The following DNASE1 variants were observed in gnomAD, a reference collection of about 807,000 sequenced individuals.
The protein encoded by DNASE1 is deoxyribonuclease-1.
Under a neutral mutation model 33.9 loss-of-function variants are expected in DNASE1, and 40 were observed. The ratio of observed to expected loss-of-function variants is 1.18; its 90% CI spans 0.92 to 1.54. DNASE1 has a LOEUF of 1.54. DNASE1 is among the 40% of genes most tolerant of loss of function. The pLI is 0.00. For missense variants in DNASE1, 518 were observed against 372.6 expected (o/e 1.39, Z -3.21); for synonymous variants, 216 against 160.0 (o/e 1.35, Z -2.64).
In DNASE1 at chr16:3,657,048, A is replaced by G. The variant is rs1305463507; in HGVS notation, c.486A>G (p.Ala162=). Residue 162 remains alanine (A), a synonymous_variant, in exon 6 of 9, where the codon GCA becomes GCG. Coordinates refer to ENST00000246949, the MANE Select transcript of DNASE1 (RefSeq NM_005223.4). ...CCCTGCATGCGGCCCCGGGGGACGCAGTAGCCGAGATCGACGCTCTCTATG... is the reference window on the plus strand; with the variant it reads ...CCCTGCATGCGGCCCCGGGGGACGCGGTAGCCGAGATCGACGCTCTCTATG... ...IVPLHAAPGD[A]VAEIDALYDV... is the part of the protein sequence containing the mutation. The G allele has an allele frequency of 6.2e-7, 1 of 1,613,760 alleles. No homozygotes were observed. The highest frequency in any genetic ancestry group is 2.2e-5 in the East Asian group (1 of 44,870).
chr16:3,664,346 G>A lies in DNASE1; in HGVS notation c.*6393G>A. On this transcript the variant is annotated 3_prime_UTR_variant, in exon 10 of 10. Transcript: ENST00000407479. ...CCAGGTGACGGTTGGGGGCGCACAG[G>A]TAGTAGATGTTGCGGGTGCCGGCCC... 8 of 1,613,146 alleles carry A rather than the reference G, an allele frequency of 5.0e-6. 1 individual carries two copies. The highest frequency in any genetic ancestry group is 3.3e-5 in the Admixed American group (2 of 59,820).
intron 1 of DNASE1, among the ~76,000 whole-genome samples, chr16:3,633,860 G>T (rs2041782354): frequency 6.6e-6 from 1 of 152,040 alleles, no homozygotes; most frequent in South Asian, 2.1e-4. Flanking sequence ...CCAGGCTGAA[G>T]TGCGGTGGCT....
At chr16:3,664,397 G>A (rs1389682040) in exon 10 of DNASE1, 7 of 1,612,292 alleles carry the variant, frequency 4.3e-6, no homozygotes, top group Non-Finnish European at 5.1e-6. Context: ...ATTCTGAGAG[G>A]CTGGTTAGCT....
intron 1 of DNASE1, among the ~76,000 whole-genome samples, chr16:3,631,825 G>A (rs1329386380): frequency 6.6e-6 from 1 of 152,084 alleles, no homozygotes; most frequent in African/African-American, 2.4e-5. Flanking sequence ...ACCCGGCCAT[G>A]GATTTTAAAA....
At chr16:3,613,170 T>C (rs762407853) in intron 1 of DNASE1, among the ~76,000 whole-genome samples, 3 of 152,136 alleles carry the variant, frequency 2.0e-5, no homozygotes, top group African/African-American at 2.4e-5. Flanking sequence ...CAATCACTTA[T>C]CGGCTTTCTG....
chr16:3,646,064 G>A (rs1327955990), intron 1 of DNASE1, among the ~76,000 whole-genome samples: 11 of 152,190 alleles, frequency 7.2e-5, no homozygotes, highest in African/African-American at 2.7e-4. Flanking sequence ...GCCGAGTAGA[G>A]CCAGCCGAGG....
chr16:3,644,411 A>C (rs564553736), intron 1 of DNASE1, among the ~76,000 whole-genome samples: 1 of 152,260 alleles, frequency 6.6e-6, no homozygotes, highest in Non-Finnish European at 1.5e-5. Context: ...AAAAATACAA[A>C]AATTAGCCAG....
chr16:3,659,457 G>A (rs1274066225), downstream of DNASE1: 1 of 152,128 alleles, frequency 6.6e-6, no homozygotes, highest in Admixed American at 6.6e-5. Flanking sequence ...ATCTCAGAAG[G>A]GGAAAGCCTT....
At chr16:3,625,647 G>T (rs1290334960) in intron 1 of DNASE1, among the ~76,000 whole-genome samples, 2 of 151,270 alleles carry the variant, frequency 1.3e-5, no homozygotes, top group African/African-American at 4.9e-5. Flanking sequence ...TAAATGAAAC[G>T]GCCAATATAG....
chr16:3,636,742 C>T (rs1289585574), intron 1 of DNASE1, among the ~76,000 whole-genome samples: 2 of 151,720 alleles, frequency 1.3e-5, no homozygotes, highest in Admixed American at 6.6e-5. Flanking sequence ...ATTGCTTGAA[C>T]CCGGGAGGTG....
At chr16:3,662,950 C>G, downstream of DNASE1, 1 of 1,611,630 alleles carries the variant, frequency 6.2e-7, no homozygotes, top group South Asian at 1.1e-5. Context: ...GTCTCCTTCT[C>G]TGATAGGCAC....
chr16:3,622,296 C>T (rs1465321930), intron 1 of DNASE1, among the ~76,000 whole-genome samples: 1 of 151,050 alleles, frequency 6.6e-6, no homozygotes, highest in Non-Finnish European at 1.5e-5. Context: ...TCCACACACT[C>T]ACAGAATATA....
rs767660433 is a variant in DNASE1 at position 3,655,839 on chromosome 16, C to T, written c.148-10C>T. ...AGCCCTGCTCAGCACCACTGTGGCC[C>T]TGCCCCCAGATCCTGAGCCGCTATG... On this transcript the variant is annotated splice_polypyrimidine_tract_variant and intron_variant, in intron 2 of 8. Transcript: ENST00000246949. The T allele has an allele frequency of 2.0e-5, 33 of 1,613,038 alleles. No homozygotes were observed. The East Asian group carries it at 5.8e-4, about 28-fold the overall frequency.
At chr16:3,656,775 G>A (rs1274517584) in intron 5 of DNASE1, 22 bp downstream of exon 5, 9 of 1,585,574 alleles carry the variant, frequency 5.7e-6, no homozygotes, top group South Asian at 2.3e-5. Flanking sequence ...CTGGGCCAGG[G>A]TGGGGCTCGG....
intron 1 of DNASE1, 128 bp from the exon 2 acceptor site, chr16:3,655,245 T>C (rs942209282): frequency 3.8e-6 from 5 of 1,313,952 alleles, no homozygotes; most frequent in Non-Finnish European, 5.2e-6. Context: ...GGAAAGGGTT[T>C]CCCCCGCCTG....
intron 1 of DNASE1, among the ~76,000 whole-genome samples, chr16:3,643,451 C>G (rs981754316): frequency 1.3e-5 from 2 of 152,250 alleles, no homozygotes; most frequent in African/African-American, 2.4e-5. Context: ...CTCGCCGGGA[C>G]AAGCCACAGC....
downstream of DNASE1, chr16:3,658,395 CAGGCGTGAG>C: frequency 1.6e-6 from 1 of 643,232 alleles, no homozygotes; most frequent in Non-Finnish European, 2.7e-6. Context: ...GCTGGGATTA[CAGGCGTGAG>C]CCACCACGCC....
At chr16:3,621,106 A>AT (rs1459995786) in intron 1 of DNASE1, among the ~76,000 whole-genome samples, 6 of 151,186 alleles carry the variant, frequency 4.0e-5, no homozygotes, top group African/African-American at 1.2e-4. Context: ...CCTATTTTAT[A>AT]TTTTTTTTAG....
upstream of DNASE1, chr16:3,653,826 A>AAAAAAC (rs2042427810): frequency 6.9e-6 from 1 of 144,908 alleles, no homozygotes; most frequent in African/African-American, 2.6e-5. Context: ...AAAAAAAAAA[A>AAAAAAC]AAAAAAAAAA....
Sources: allele counts gnomAD v4.1 joint callset (sites outside exome capture counted in the v4.1 genomes callset), GRCh38; gene constraint gnomAD v4.1.1; transcripts MANE v1.5; gene names NCBI Gene and HGNC (gene_info 2026-07-23, HGNC 2026-07-21).